RAPGEF3: variants seen among roughly 807,000 people sequenced by gnomAD.
RAPGEF3 encodes the protein 9330170P05Rik.
RAPGEF3 carries 103 observed loss-of-function variants against 129.8 expected under a neutral mutation model. The observed-to-expected ratio is 0.79, with a 90% CI of 0.68 to 0.93. The LOEUF (loss-of-function observed/expected upper bound fraction) is 0.93, where lower values mean the gene tolerates loss of function less well. Among genes scored for constraint, RAPGEF3 ranks in the 40% least tolerant of loss-of-function variants. The pLI is 0.00. For synonymous variants in RAPGEF3, 436 were observed against 482.6 expected (o/e 0.90, Z 1.26); for missense variants, 1,117 against 1,207.4 (o/e 0.93, Z 1.11).
intron 16 of RAPGEF3, chr12:47,746,125 A>C: frequency 6.5e-6 from 1 of 154,702 alleles, no homozygotes; most frequent in Non-Finnish European, 1.4e-5. Flanking sequence ...GAGAACGAGA[A>C]GGATCCTGCC....
At chr12:47,756,771 C>T (rs1942082707) in intron 2 of RAPGEF3, among the ~76,000 whole-genome samples, 1 of 152,022 alleles carries the variant, frequency 6.6e-6, no homozygotes, top group Non-Finnish European at 1.5e-5. Flanking sequence ...GCGATCAAGA[C>T]CATCCTGGCC....
chr12:47,739,098 G>T (rs1161988028), intron 24 of RAPGEF3, 45 bp downstream of exon 24: 1 of 1,447,356 alleles, frequency 6.9e-7, no homozygotes, highest in African/African-American at 1.4e-5. Flanking sequence ...GGGGATGGAG[G>T]CAGGAAGGGG....
At chr12:47,743,477 C>T (rs527442257) in intron 18 of RAPGEF3, 53 bp downstream of exon 18, 16 of 1,569,602 alleles carry the variant, frequency 1.0e-5, no homozygotes, top group Middle Eastern at 1.9e-4. Context: ...GGGACCTGGG[C>T]GCAGATCCGA....
At chr12:47,758,397 C>G in intron 1 of RAPGEF3, 154 bp downstream of exon 1, 1 of 1,528,522 alleles carries the variant, frequency 6.5e-7, no homozygotes, top group South Asian at 1.3e-5. Context: ...TATAGATTCA[C>G]TAGGTCTCCC....
intron 16 of RAPGEF3, chr12:47,745,076 T>A (rs1037779660): frequency 6.6e-6 from 1 of 152,616 alleles, no homozygotes; most frequent in Admixed American, 6.5e-5. Context: ...TTCCGTAGCT[T>A]GTCATCTTGC....
rs1941127275 is a variant in RAPGEF3 at position 47,740,990 on chromosome 12, C to T, written c.1974G>A (p.Leu658=). 6.2e-7 allele frequency: 1 copy of T among 1,613,196 alleles called. No homozygotes were observed. Among genetic ancestry groups the T allele is most frequent in the Admixed American group, 1.7e-5 (1 of 59,938 alleles). The change falls in exon 20 of 28, where the codon CTG becomes CTA. Residue 658 remains leucine, a synonymous_variant. Transcript: ENST00000449771. ...LGPTVGSAEG[L]DLVSAKDLAG... ...CCAGGTCCTTGGCACTCACCAGGTC[C>T]AGCCCCTCAGCAGAGCCCACAGTGG...
chr12:47,751,690 G>T, intron 4 of RAPGEF3, 33 bp downstream of exon 4: 1 of 1,607,780 alleles, frequency 6.2e-7, no homozygotes, highest in Non-Finnish European at 8.5e-7. Flanking sequence ...AAGCAGTGAG[G>T]CTGGGCAAGG....
rs376712555 is a variant in RAPGEF3 at position 47,751,754 on chromosome 12, G to C, written c.349C>G (p.Arg117Gly). The C allele has an allele frequency of 1.2e-6, 2 of 1,613,768 alleles. No individual in the cohort carries two copies. Among genetic ancestry groups the C allele is most frequent in the Non-Finnish European group, 8.5e-7 (1 of 1,180,024 alleles). The change falls in exon 4 of 28, where the codon CGA (arginine) becomes GGA (glycine). Residue 117 changes from arginine (R) to glycine (G), a missense_variant. This residue lies in a region of RAPGEF3 where 367 missense variants were observed against 373.4 expected (regional missense o/e 0.98). Coordinates refer to ENST00000449771, the MANE Select transcript of RAPGEF3 (RefSeq NM_001098531.4). ...HLLATCPNLI[R>G]DRKYHLRLYR... ...AGCCTAAGGTGGTACTTCCGGTCTC[G>C]GATGAGGTTTGGGCAGGTGGCCAGC...
rs1301221778 is a variant in RAPGEF3, at chr12:47,745,210, C to T, written c.1597-1142G>A. 2.0e-5 allele frequency: 3 copies of T among 152,926 alleles called. No homozygotes were observed. In the Admixed American group the frequency reaches 2.0e-4, roughly 10 times the overall value. The allele number at this position is 152,926 out of a possible 1,614,324, so 9.5% of individuals were successfully genotyped here. ...ACTCCAATGGCCCAACTATGCTCCT[C>T]CTCCTCCCTCCCAGGTGCCTCCAGC... On this transcript the variant is annotated intron_variant, in intron 16 of 27. Transcript: ENST00000449771.
intron 27 of RAPGEF3, 21 bp from the exon 28 acceptor site, chr12:47,737,706 G>A (rs1194656292): frequency 6.2e-7 from 1 of 1,604,264 alleles, no homozygotes. Flanking sequence ...AGAGTAGTCA[G>A]GGAGGCACTG....
Position 47,737,722 on chromosome 12 carries a change from C to A in RAPGEF3, c.2654-37G>T, listed in dbSNP as rs565381686. On this transcript the variant is annotated intron_variant, in intron 27 of 27. Coordinates refer to ENST00000449771, the MANE Select transcript of RAPGEF3 (RefSeq NM_001098531.4). ...GAGTAGTCAGGGAGGCACTGATGCC[C>A]CTTTGTGGAACCCAACCTTTCCCCT... is the stretch of plus-strand genomic sequence containing the variant. 9 of 1,581,890 alleles carry A rather than the reference C, an allele frequency of 5.7e-6. No homozygotes were observed. In the East Asian group the frequency reaches 1.8e-4, roughly 31 times the overall value.
rs1236492193 is a variant in RAPGEF3 at position 47,758,531 on chromosome 12, C to G, written c.6+20G>C. The G allele has an allele frequency of 1.9e-6, 3 of 1,613,796 alleles. No homozygotes were observed. The highest frequency in any genetic ancestry group is 1.1e-5 in the South Asian group (1 of 91,016). On this transcript the variant is annotated intron_variant, in intron 1 of 27. Coordinates refer to ENST00000449771, the MANE Select transcript of RAPGEF3 (RefSeq NM_001098531.4). ...CCGCCCTCTCCTGCTCCTCCTCAAC[C>G]CTGACCCCACCTTACCCACCTTCAT...
rs757966121 is a variant in RAPGEF3 at position 47,749,368 on chromosome 12, TC to T, written c.1041+21del. The T allele has an allele frequency of 1.2e-6, 2 of 1,609,740 alleles. No homozygotes were observed. The highest frequency in any genetic ancestry group is 1.1e-5 in the South Asian group (1 of 91,052). On this transcript the variant is annotated intron_variant, in intron 10 of 27. Coordinates refer to ENST00000449771, the MANE Select transcript of RAPGEF3 (RefSeq NM_001098531.4). This position sits in a 1 kb window ranked among gnomAD's most constrained non-coding sequence, Gnocchi z 4.5. ...TTCTCTGGACGAATGGCCCCTGCCC[TC>T]CCCAACCCCAGCAGCAGCACCTTGA...
intron 16 of RAPGEF3, chr12:47,745,914 G>A (rs1941399235): frequency 6.6e-6 from 1 of 152,348 alleles, no homozygotes; most frequent in South Asian, 2.1e-4. Flanking sequence ...CCCGCAGGAG[G>A]GAAGTCAACT....
Sources: gnomAD v4.1 joint callset for allele counts (sites outside exome capture counted in the v4.1 genomes callset) on GRCh38, gnomAD v4.1.1 for gene constraint, gnomAD v4.1.1 regional missense constraint, Gnocchi (gnomAD v3.1) non-coding constraint, MANE v1.5 for transcripts, NCBI Gene and HGNC (gene_info 2026-07-23, HGNC 2026-07-21) for gene names.